Variants in FBXL20 observed in about 807,000 individuals in gnomAD.
FBXL20 encodes F-box and leucine rich repeat protein 20.
Under a neutral mutation model 64.0 loss-of-function variants are expected in FBXL20, and 11 were observed. That is an observed-to-expected ratio of 0.17 (90% confidence interval 0.11 to 0.28). FBXL20 has a LOEUF of 0.28. FBXL20 is among the 10% of genes least tolerant of loss of function. The pLI is 1.00. For synonymous variants in FBXL20, 184 were observed against 189.0 expected, an observed-to-expected ratio of 0.97 and a Z score of 0.22; for missense variants, 303 against 526.2, an observed-to-expected ratio of 0.58 and a Z score of 4.15.
chr17:39,359,677 G>A (rs950294469), intron 1 of FBXL20, among the ~76,000 whole-genome samples: 2 of 151,948 alleles, frequency 1.3e-5, no homozygotes, highest in African/African-American at 4.8e-5. Context: ...AAGAGACATT[G>A]CTGCATTGCT....
chr17:39,390,010 A>T (rs1335841027), intron 1 of FBXL20, among the ~76,000 whole-genome samples: 1 of 152,118 alleles, frequency 6.6e-6, no homozygotes, highest in African/African-American at 2.4e-5. Context: ...ATCTTAGGAG[A>T]CACTTATTCA....
chr17:39,388,998 G>T (rs902087771), intron 1 of FBXL20, among the ~76,000 whole-genome samples: 3 of 149,426 alleles, frequency 2.0e-5, no homozygotes, highest in Non-Finnish European at 4.4e-5. Context: ...CAGCTACTAG[G>T]GAGGCTGAGG....
intron 1 of FBXL20, among the ~76,000 whole-genome samples, chr17:39,388,730 C>A (rs2048107389): frequency 6.6e-6 from 1 of 150,934 alleles, no homozygotes; most frequent in South Asian, 2.1e-4. Context: ...GATCCACCCA[C>A]CTTGGCCTCC....
intron 10 of FBXL20, among the ~76,000 whole-genome samples, chr17:39,273,500 G>A (rs2046864678): frequency 6.6e-6 from 1 of 152,080 alleles, no homozygotes; most frequent in Non-Finnish European, 1.5e-5. Context: ...AGGTTACTTT[G>A]TCTCTTTGTG....
At chr17:39,267,645 G>A (rs144910361) in intron 12 of FBXL20, among the ~76,000 whole-genome samples, 4 of 152,218 alleles carry the variant, frequency 2.6e-5, no homozygotes, top group African/African-American at 9.6e-5. Flanking sequence ...CAGGTAGGAA[G>A]AACAGTTTTC....
chr17:39,318,895 T>A (rs2047322101), intron 2 of FBXL20, among the ~76,000 whole-genome samples: 1 of 152,194 alleles, frequency 6.6e-6, no homozygotes. Context: ...ATTAAAATAC[T>A]GAGAAGTCTT....
At chr17:39,356,763 C>T (rs1271943293) in intron 1 of FBXL20, among the ~76,000 whole-genome samples, 1 of 151,948 alleles carries the variant, frequency 6.6e-6, no homozygotes, top group East Asian at 1.9e-4. Context: ...TCAAGCAATT[C>T]TACCACCTCT....
At chr17:39,263,858 A>G (rs1474103903) in intron 14 of FBXL20, 1 of 219,128 alleles carries the variant, frequency 4.6e-6, no homozygotes, top group African/African-American at 2.3e-5. Context: ...CCTTTAGAAC[A>G]AAAATGTGGC....
intron 1 of FBXL20, among the ~76,000 whole-genome samples, chr17:39,391,251 CAAA>C (rs746792198): frequency 8.3e-5 from 5 of 60,034 alleles, no homozygotes; most frequent in Admixed American, 1.9e-4. Context: ...CCACCTGTCT[CAAA>C]AAAAAAAAAA....
At chr17:39,286,290 C>T (rs1672029935) in intron 6 of FBXL20, among the ~76,000 whole-genome samples, 1 of 152,188 alleles carries the variant, frequency 6.6e-6, no homozygotes, top group South Asian at 2.1e-4. Context: ...TCTAGGCCCA[C>T]TGCAACCTCC....
In FBXL20 at chr17:39,258,246, T is replaced by A. The variant is rs981862632; in HGVS notation, c.*3214A>T. On this transcript the variant is annotated 3_prime_UTR_variant, in exon 15 of 15. Transcript: ENST00000264658. ...TGAATTTTCAAAAGTATCCCAGATG[T>A]TGAGAGAGGAAGCATTATGTTCAGA... The A allele has an allele frequency of 6.6e-6, 1 of 152,242 alleles. No homozygotes were observed. Among genetic ancestry groups the A allele is most frequent in the African/African-American group, 2.4e-5 (1 of 41,466 alleles). The allele number at this position is 152,242 out of a possible 1,614,324, so 9.4% of individuals were successfully genotyped here. A position where few individuals can be genotyped will look rare whatever the true frequency, so the allele number is the denominator to read the frequency against.
intron 1 of FBXL20, among the ~76,000 whole-genome samples, chr17:39,384,501 G>A (rs1277274001): frequency 6.6e-6 from 1 of 151,852 alleles, no homozygotes; most frequent in Non-Finnish European, 1.5e-5. Context: ...CTCCACCCTG[G>A]AGGCAGAGCA....
At chr17:39,398,517 T>G (rs2048209287) in intron 1 of FBXL20, among the ~76,000 whole-genome samples, 1 of 152,218 alleles carries the variant, frequency 6.6e-6, no homozygotes, top group Non-Finnish European at 1.5e-5. Flanking sequence ...CAAGGGTTAT[T>G]ACTGTATACA....
chr17:39,311,183 A>G (rs1221712082), intron 2 of FBXL20, among the ~76,000 whole-genome samples: 2 of 152,046 alleles, frequency 1.3e-5, no homozygotes, highest in Non-Finnish European at 2.9e-5. Flanking sequence ...AAACAAAAAA[A>G]CAAAACCCCG....
Position 39,285,463 on chromosome 17 carries a change from T to A in FBXL20, c.494+15A>T, listed in dbSNP as rs763087283. 6.5e-7 allele frequency: 1 copy of A among 1,533,934 alleles called. No homozygotes were observed. Among genetic ancestry groups the A allele is most frequent in the East Asian group, 2.3e-5 (1 of 43,950 alleles). On this transcript the variant is annotated intron_variant, in intron 7 of 14. Transcript: ENST00000264658. Reference sequence around the variant, plus strand: ...TTTTTTTGATTACTTGACATGCTTATTATAAGAAATTTACCTCAGAGCTTT... The same window carrying A: ...TTTTTTTGATTACTTGACATGCTTAATATAAGAAATTTACCTCAGAGCTTT...
At chr17:39,332,152 C>A (rs1024730672) in intron 2 of FBXL20, among the ~76,000 whole-genome samples, 15 of 152,160 alleles carry the variant, frequency 9.9e-5, no homozygotes, top group Admixed American at 9.8e-4. Context: ...TTTTCCACAC[C>A]TTCAACTCCT....
In FBXL20 at chr17:39,258,264, T is replaced by C. The variant is rs1229636818; in HGVS notation, c.*3196A>G. ...CCAGATGTTGAGAGAGGAAGCATTA[T>C]GTTCAGATGTCAGGCTCCTTTCCAC... On this transcript the variant is annotated 3_prime_UTR_variant, in exon 15 of 15. Coordinates refer to ENST00000264658, the MANE Select transcript of FBXL20 (RefSeq NM_032875.3). The C allele has an allele frequency of 1.3e-5, 2 of 152,246 alleles. No individual in the cohort carries two copies. Among genetic ancestry groups the C allele is most frequent in the Admixed American group, 6.5e-5 (1 of 15,278 alleles). 9.4% of individuals were successfully genotyped at this position (152,246 alleles called of 1,614,324 possible). A position where few individuals can be genotyped will look rare whatever the true frequency, so the allele number is the denominator to read the frequency against.
At chr17:39,378,096 G>A (rs2047986066) in intron 1 of FBXL20, among the ~76,000 whole-genome samples, 1 of 152,148 alleles carries the variant, frequency 6.6e-6, no homozygotes, top group Admixed American at 6.6e-5. Context: ...GAATTAGGTT[G>A]GGAAAGACAC....
At position 39,260,200 on chromosome 17, in the gene FBXL20, G is replaced by C. The variant is rs1408327350; in HGVS notation, c.*1260C>G. Reference sequence around the variant, plus strand: ...CTGGCTAGAATACACAGCTCCTCTAGTGGCATTCCTGTTAAAACAACCTCA... The same window carrying C: ...CTGGCTAGAATACACAGCTCCTCTACTGGCATTCCTGTTAAAACAACCTCA... On this transcript the variant is annotated 3_prime_UTR_variant, in exon 15 of 15. Coordinates refer to ENST00000264658, the MANE Select transcript of FBXL20 (RefSeq NM_032875.3). 1.3e-5 allele frequency: 2 copies of C among 152,132 alleles called. No homozygotes were observed. The highest frequency in any genetic ancestry group is 2.9e-5 in the Non-Finnish European group (2 of 68,036). The allele number at this position is 152,132 out of a possible 1,614,324, so 9.4% of individuals were successfully genotyped here.
Sources: gnomAD v4.1 joint callset for allele counts (sites outside exome capture counted in the v4.1 genomes callset) on GRCh38, gnomAD v4.1.1 for gene constraint, MANE v1.5 for transcripts, NCBI Gene and HGNC (gene_info 2026-07-23, HGNC 2026-07-21) for gene names.